Variants in USP34 observed in about 807,000 individuals in gnomAD.
USP34 encodes ubiquitin specific peptidase 34.
Under a neutral mutation model 460.3 loss-of-function variants are expected in USP34, and 70 were observed. The ratio of observed to expected loss-of-function variants is 0.15; its 90% CI spans 0.13 to 0.19. USP34 has a LOEUF of 0.19. USP34 is among the 10% of genes least tolerant of loss of function. The pLI, the probability that USP34 is intolerant of heterozygous loss-of-function variation, is 1.00. For synonymous variants in USP34, 1,647 were observed against 1,405.3 expected, an observed-to-expected ratio of 1.17 and a Z score of -3.85; for missense variants, 3,985 against 4,236.2, an observed-to-expected ratio of 0.94 and a Z score of 1.65.
In USP34 at chr2:61,370,703, C is replaced by T; in HGVS notation, c.1077-124G>A. The T allele has an allele frequency of 4.0e-6, 3 of 755,940 alleles. No homozygotes were observed. The South Asian group carries it at 5.7e-5, about 14-fold the overall frequency. 46.8% of individuals were successfully genotyped at this position (755,940 alleles called of 1,614,324 possible). A position where few individuals can be genotyped will look rare whatever the true frequency, so the allele number is the denominator to read the frequency against. On this transcript the variant is annotated intron_variant, in intron 8 of 79. Transcript: ENST00000398571. ...GGAATTATAAAGAATTAGATACAAT[C>T]AGTTTTATAGAATACTACAAAGCAT...
chr2:61,329,805 A>G (rs1046897732), intron 20 of USP34, among the ~76,000 whole-genome samples: 1 of 152,244 alleles, frequency 6.6e-6, no homozygotes, highest in Non-Finnish European at 1.5e-5. Context: ...ATAAACACTT[A>G]TAAGGTAAAT....
intron 1 of USP34, among the ~76,000 whole-genome samples, chr2:61,466,508 T>C (rs529794862): frequency 4.8e-4 from 73 of 152,336 alleles, no homozygotes; most frequent in Middle Eastern, 3.4e-3. Flanking sequence ...ATGTTTGAGA[T>C]GGATATACTA....
In USP34 at chr2:61,278,339, T is replaced by C. The variant is rs964631187; in HGVS notation, c.5312+49A>G. On this transcript the variant is annotated intron_variant, in intron 40 of 79. Transcript: ENST00000398571. ...GCAAGATAGTTCACATAATTATGTC[T>C]TTTATCTTTCCTCGACAATATAAAT... 2.5e-6 allele frequency: 4 copies of C among 1,609,036 alleles called. No homozygotes were observed. The African/African-American group carries it at 5.4e-5, about 22-fold the overall frequency.
At chr2:61,232,310 A>C (rs925139348) in intron 58 of USP34, 142 bp downstream of exon 58, 3 of 694,946 alleles carry the variant, frequency 4.3e-6, no homozygotes, top group Non-Finnish European at 7.2e-6. Context: ...ACCAACAACA[A>C]AATGACTTTT....
rs1279436296 is a variant in USP34, at chr2:61,283,179, T to C, written c.4964A>G (p.Asp1655Gly). Residue 1655 changes from aspartate to glycine, a missense_variant, in exon 37 of 80, where the codon GAT becomes GGT. Physicochemically the swap from Asp to Gly is moderately conservative, Grantham distance 94. This residue lies in a region of USP34 where 1,114 missense variants were observed against 1,122.5 expected (regional missense o/e 0.99). Transcript: ENST00000398571. ...AAGGAGAGTCAATTTCTTTAGCCAA[T>C]CTTGTAAATGATCGCTATCAGCAAG... is the stretch of plus-strand genomic sequence containing the variant. Reference protein sequence around the residue: ...SSLADSDHLQDWLKKLTLLIP... With the variant: ...SSLADSDHLQGWLKKLTLLIP... The C allele has an allele frequency of 6.2e-6, 10 of 1,613,640 alleles. No individual in the cohort carries two copies. Among genetic ancestry groups the C allele is most frequent in the East Asian group, 4.5e-5 (2 of 44,792 alleles).
chr2:61,381,237 C>A (rs778150), intron 6 of USP34, among the ~76,000 whole-genome samples: 48 of 149,608 alleles, frequency 3.2e-4, no homozygotes, highest in African/African-American at 1.1e-3. Flanking sequence ...AAAAAATAAA[C>A]AAAAAATGTA....
chr2:61,273,249 T>C (rs1386665536), intron 41 of USP34, among the ~76,000 whole-genome samples: 1 of 152,170 alleles, frequency 6.6e-6, no homozygotes, highest in Non-Finnish European at 1.5e-5. Context: ...ATCATACTCT[T>C]CCACAGGCAA....
chr2:61,444,181 G>A (rs962660559), intron 1 of USP34, among the ~76,000 whole-genome samples: 3 of 152,264 alleles, frequency 2.0e-5, no homozygotes, highest in Non-Finnish European at 2.9e-5. Flanking sequence ...CTTGGGCCCA[G>A]AAGGTCAAGG....
chr2:61,404,344 T>C (rs1345883514), intron 3 of USP34, among the ~76,000 whole-genome samples: 1 of 152,112 alleles, frequency 6.6e-6, no homozygotes, highest in Non-Finnish European at 1.5e-5. Context: ...CAGGAAACAA[T>C]GTATAAGATA....
At chr2:61,399,302 C>G (rs1374433407) in intron 3 of USP34, among the ~76,000 whole-genome samples, 4 of 150,402 alleles carry the variant, frequency 2.7e-5, no homozygotes, top group East Asian at 2.0e-4. Flanking sequence ...GTTATCATGC[C>G]ACCGCACTCC....
At chr2:61,413,994 A>G (rs1694124354) in intron 2 of USP34, among the ~76,000 whole-genome samples, 1 of 151,268 alleles carries the variant, frequency 6.6e-6, no homozygotes, top group South Asian at 2.1e-4. Flanking sequence ...TGAGTGGCTC[A>G]CACCTGTAAT....
chr2:61,432,404 G>A (rs1424844653), intron 1 of USP34, among the ~76,000 whole-genome samples: 1 of 152,158 alleles, frequency 6.6e-6, no homozygotes, highest in Non-Finnish European at 1.5e-5. Flanking sequence ...TGAGCCCCAG[G>A]AGGTCAAGGC....
At chr2:61,243,345 C>T (rs1360725764) in intron 51 of USP34, among the ~76,000 whole-genome samples, 1 of 151,938 alleles carries the variant, frequency 6.6e-6, no homozygotes, top group East Asian at 1.9e-4. Flanking sequence ...TGGGGTTTCC[C>T]CACATTGGCC....
At chr2:61,220,507 T>G (rs370787566) in intron 66 of USP34, 50 bp from the exon 67 acceptor site, 7 of 1,487,308 alleles carry the variant, frequency 4.7e-6, no homozygotes, top group Non-Finnish European at 5.4e-6. Flanking sequence ...GAATGAGCAA[T>G]TACTTTTACT....
rs1381589237 is a variant in USP34, at chr2:61,211,767, T to C, written c.8840+5A>G. 2 of 1,564,454 alleles carry C rather than the reference T, an allele frequency of 1.3e-6. No homozygotes were observed. The highest frequency in any genetic ancestry group is 1.4e-5 in the African/African-American group (1 of 70,664). Reference sequence around the variant, plus strand: ...AACAAGACAAAACTAAAAACATCTTTTTACCTTATTAAAGTAGTCCAGCAG... The same window carrying C: ...AACAAGACAAAACTAAAAACATCTTCTTACCTTATTAAAGTAGTCCAGCAG... On this transcript the variant is annotated splice_donor_5th_base_variant and intron_variant, in intron 69 of 79. Transcript: ENST00000398571.
chr2:61,360,744 C>T (rs1459239059), intron 10 of USP34, among the ~76,000 whole-genome samples: 1 of 152,186 alleles, frequency 6.6e-6, no homozygotes, highest in Non-Finnish European at 1.5e-5. Context: ...GCAGCCTCGA[C>T]GTCCTGGGCT....
At chr2:61,466,380 A>G (rs1300986101) in intron 1 of USP34, among the ~76,000 whole-genome samples, 2 of 151,748 alleles carry the variant, frequency 1.3e-5, no homozygotes, top group African/African-American at 2.4e-5. Context: ...ACCCAAGAGC[A>G]TACCACTGCA....
rs189215506 is a variant in USP34 at position 61,281,463 on chromosome 2, T to G, written c.4999-221A>C. 2.7e-4 allele frequency among the ~76,000 whole-genome samples: 41 copies of G among 152,198 alleles called. 2 individuals carry two copies. In the East Asian group the frequency reaches 7.9e-3, roughly 29 times the overall value. ...CCTGTCACCACAAAAAATACAAAAA[T>G]TAACCGGGTGTGGTGACTTGCGCCT... On this transcript the variant is annotated intron_variant, in intron 37 of 79. Transcript: ENST00000398571.
At chr2:61,423,892 C>T (rs6545867) in intron 1 of USP34, among the ~76,000 whole-genome samples, 57,134 of 152,060 alleles carry the variant, frequency 0.38, 10,782 homozygotes, top group Admixed American at 0.41. Flanking sequence ...AGAAGTTCAA[C>T]GCTATAGTGA....
Sources: allele counts gnomAD v4.1 joint callset (sites outside exome capture counted in the v4.1 genomes callset), GRCh38; gene constraint gnomAD v4.1.1; regional missense constraint gnomAD v4.1.1; transcripts MANE v1.5; gene names NCBI Gene and HGNC (gene_info 2026-07-23, HGNC 2026-07-21).